The following ROR1 variants were observed in gnomAD, a reference collection of about 807,000 sequenced individuals.
ROR1 encodes the protein inactive tyrosine-protein kinase transmembrane receptor ROR1.
ROR1 carries 19 observed loss-of-function variants against 78.8 expected under a neutral mutation model. That is an observed-to-expected ratio of 0.24 (90% CI 0.17 to 0.35). The LOEUF (loss-of-function observed/expected upper bound fraction) is 0.35. ROR1 is among the 10% of genes least tolerant of loss of function. The pLI is 1.00. For missense variants in ROR1, 917 were observed against 1,177.8 expected, an observed-to-expected ratio of 0.78 and a Z score of 3.24; for synonymous variants, 386 against 433.6, an observed-to-expected ratio of 0.89 and a Z score of 1.36.
rs1378445918 is a variant in ROR1 at position 63,962,308 on chromosome 1, G to A, written c.92-46997G>A. ...TTTAAAAAGATTATAAGGTCTGTAA[G>A]AATAGGAGATGGATCTAACTTGTTA... On this transcript the variant is annotated intron_variant, in intron 1 of 8. Transcript: ENST00000371079. Among the ~76,000 whole-genome samples, 3 of 152,202 alleles carry A rather than the reference G, an allele frequency of 2.0e-5. No individual in the cohort carries two copies. In the East Asian group the frequency reaches 5.8e-4, roughly 29 times the overall value.
At chr1:63,775,010 C>A (rs764980272) in intron 1 of ROR1, among the ~76,000 whole-genome samples, 1 of 152,258 alleles carries the variant, frequency 6.6e-6, no homozygotes, top group South Asian at 2.1e-4. Flanking sequence ...AAGCCCTGTC[C>A]TCCTGGGGCT....
chr1:63,952,587 T>C (rs902655305), intron 1 of ROR1, among the ~76,000 whole-genome samples: 18 of 152,160 alleles, frequency 1.2e-4, no homozygotes, highest in Admixed American at 2.6e-4. Flanking sequence ...GACAGACCAG[T>C]GCTGCCTGGA....
chr1:63,944,464 C>T (rs1451168244), intron 1 of ROR1, among the ~76,000 whole-genome samples: 1 of 152,142 alleles, frequency 6.6e-6, no homozygotes, highest in Non-Finnish European at 1.5e-5. Flanking sequence ...TCATTTTAAG[C>T]CCTTGCCTTT....
intron 1 of ROR1, among the ~76,000 whole-genome samples, chr1:63,814,477 G>T (rs1257594332): frequency 6.6e-6 from 1 of 151,954 alleles, no homozygotes; most frequent in Non-Finnish European, 1.5e-5. Flanking sequence ...TACATTTATT[G>T]TGCACTTTAT....
intron 1 of ROR1, among the ~76,000 whole-genome samples, chr1:63,885,520 T>G (rs1569861206): frequency 6.6e-6 from 1 of 152,112 alleles, no homozygotes; most frequent in East Asian, 1.9e-4. Context: ...TGAAGGAGCT[T>G]CCTTCCAGAA....
chr1:64,018,662 A>T (rs1339069025), intron 2 of ROR1, among the ~76,000 whole-genome samples: 1 of 152,184 alleles, frequency 6.6e-6, no homozygotes, highest in Non-Finnish European at 1.5e-5. Flanking sequence ...AGCAGTATGG[A>T]GAGGGCTTTG....
At chr1:64,002,135 T>C (rs992735804) in intron 1 of ROR1, among the ~76,000 whole-genome samples, 1 of 22,040 alleles carries the variant, frequency 4.5e-5, no homozygotes, top group East Asian at 0.013. Context: ...TTCAACCTTT[T>C]TTTTTTTTTT....
intron 4 of ROR1, among the ~76,000 whole-genome samples, chr1:64,136,356 T>C (rs1410218836): frequency 1.6e-5 from 1 of 63,362 alleles, no homozygotes; most frequent in East Asian, 2.4e-4. Context: ...AAACGGTGTA[T>C]TTTTTTTTTT....
chr1:64,014,029 G>A (rs140327518), intron 2 of ROR1, among the ~76,000 whole-genome samples: 1 of 152,366 alleles, frequency 6.6e-6, no homozygotes, highest in Non-Finnish European at 1.5e-5. Context: ...GCTCATTTGG[G>A]CTAAAGGATT....
At chr1:63,798,933 C>T (rs1302399271) in intron 1 of ROR1, among the ~76,000 whole-genome samples, 1 of 152,166 alleles carries the variant, frequency 6.6e-6, no homozygotes, top group Non-Finnish European at 1.5e-5. Flanking sequence ...GTGTCAGCAC[C>T]ATACTTTATA....
At chr1:63,810,721 A>G (rs954022227) in intron 1 of ROR1, among the ~76,000 whole-genome samples, 8 of 152,234 alleles carry the variant, frequency 5.3e-5, no homozygotes, top group Non-Finnish European at 1.2e-4. Flanking sequence ...TGGAGGTGTG[A>G]AACATGATGC....
intron 1 of ROR1, among the ~76,000 whole-genome samples, chr1:63,974,004 A>C (rs868868449): frequency 6.6e-6 from 1 of 152,342 alleles, no homozygotes; most frequent in Middle Eastern, 3.4e-3. Flanking sequence ...ATGTGTAATA[A>C]ACCCACTAAA....
chr1:64,160,316 C>T (rs1458712084), intron 8 of ROR1, among the ~76,000 whole-genome samples: 7 of 150,790 alleles, frequency 4.6e-5, no homozygotes, highest in Non-Finnish European at 1.0e-4. Flanking sequence ...TTTTTTTTAT[C>T]TAAAAAATCT....
At chr1:64,052,698 C>T (rs1029468115) in intron 4 of ROR1, among the ~76,000 whole-genome samples, 8 of 152,188 alleles carry the variant, frequency 5.3e-5, no homozygotes, top group African/African-American at 1.9e-4. Context: ...TTATCTATTA[C>T]ATTAGTCGGT....
intron 2 of ROR1, among the ~76,000 whole-genome samples, chr1:64,041,393 A>G (rs1009139123): frequency 2.0e-5 from 3 of 152,198 alleles, no homozygotes; most frequent in African/African-American, 4.8e-5. Flanking sequence ...AGTTTCCCTG[A>G]GCTTTTAAGA....
intron 5 of ROR1, among the ~76,000 whole-genome samples, chr1:64,138,334 T>G (rs1034179745): frequency 6.6e-6 from 1 of 152,176 alleles, no homozygotes; most frequent in South Asian, 2.1e-4. Flanking sequence ...AACGAATAAT[T>G]TTTTAGTATA....
At chr1:63,845,861 A>G (rs11208300) in intron 1 of ROR1, among the ~76,000 whole-genome samples, 30,673 of 152,068 alleles carry the variant, frequency 0.2, 3,365 homozygotes, top group Middle Eastern at 0.26. Context: ...TGAGGAATTT[A>G]TTTGGTGTAG....
intron 1 of ROR1, among the ~76,000 whole-genome samples, chr1:63,814,367 A>G (rs1032721806): frequency 6.6e-6 from 1 of 152,116 alleles, no homozygotes; most frequent in Non-Finnish European, 1.5e-5. Flanking sequence ...TGCCTAAGGC[A>G]GTGGTCCCCA....
intron 2 of ROR1, among the ~76,000 whole-genome samples, chr1:64,023,976 A>C (rs891742932): frequency 3.9e-5 from 6 of 151,976 alleles, no homozygotes; most frequent in African/African-American, 1.5e-4. Flanking sequence ...TTCTCATGAG[A>C]TGTGTTGGTT....
Sources: gnomAD v4.1 joint callset for allele counts (sites outside exome capture counted in the v4.1 genomes callset) on GRCh38, gnomAD v4.1.1 for gene constraint, MANE v1.5 for transcripts, NCBI Gene and HGNC (gene_info 2026-07-23, HGNC 2026-07-21) for gene names.